CLDN1: variants seen among roughly 807,000 people sequenced by gnomAD.
The protein encoded by CLDN1 is claudin 1.
A neutral mutation model predicts 22.6 loss-of-function variants in CLDN1; 12 were observed. The ratio of observed to expected loss-of-function variants is 0.53; its 90% CI spans 0.34 to 0.86. The LOEUF (loss-of-function observed/expected upper bound fraction) is 0.86. Ranked by LOEUF, CLDN1 falls within the 40% of genes least tolerant of loss-of-function variation. The probability of loss-of-function intolerance (pLI) is 0.02; values close to 1 mark genes in which losing one functional copy is unlikely to be tolerated. For missense variants in CLDN1, 250 were observed against 269.5 expected, an observed-to-expected ratio of 0.93 and a Z score of 0.51; for synonymous variants, 99 against 103.8, an observed-to-expected ratio of 0.95 and a Z score of 0.28.
chr3:190,316,936 C>T (rs930532056), intron 1 of CLDN1, among the ~76,000 whole-genome samples: 1 of 152,152 alleles, frequency 6.6e-6, no homozygotes, highest in Non-Finnish European at 1.5e-5. Flanking sequence ...GAAACTCATG[C>T]AGATAATACA....
chr3:190,318,204 G>A (rs888435349), intron 1 of CLDN1, among the ~76,000 whole-genome samples: 1 of 152,166 alleles, frequency 6.6e-6, no homozygotes, highest in Non-Finnish European at 1.5e-5. Context: ...GGATGAGGCA[G>A]GATGTACCAC....
intron 2 of CLDN1, 131 bp downstream of exon 2, chr3:190,312,741 A>G: frequency 1.0e-6 from 1 of 967,332 alleles, no homozygotes; most frequent in Non-Finnish European, 1.6e-6. Flanking sequence ...ATGAAAGTCA[A>G]CTGGACTTCA....
Position 190,322,140 on chromosome 3 carries a change from C to A in CLDN1, c.67G>T (p.Val23Phe). Residue 23 changes from valine to phenylalanine, a missense_variant, in exon 1 of 4, where the codon GTC becomes TTC. Physicochemically the swap from Val to Phe is conservative, Grantham distance 50 (BLOSUM62 -1). Transcript: ENST00000295522. ...CTCCACTGGGGCAGGGCAGTGCTGA[C>A]GATGGCGCCGATCCATCCCAGGAAG... The part of the protein sequence containing the change: ...LAFLGWIGAI[V>F]STALPQWRIY... The A allele has an allele frequency of 6.2e-7, 1 of 1,614,220 alleles. No individual in the cohort carries two copies. The highest frequency in any genetic ancestry group is 8.5e-7 in the Non-Finnish European group (1 of 1,180,058).
At chr3:190,321,157 C>G (rs991802854) in intron 1 of CLDN1, among the ~76,000 whole-genome samples, 4 of 152,164 alleles carry the variant, frequency 2.6e-5, no homozygotes, top group Non-Finnish European at 5.9e-5. Context: ...CCCAGCTGAC[C>G]TCTGATTTCA....
At chr3:190,310,116 T>C in intron 3 of CLDN1, 53 bp downstream of exon 3, 1 of 1,475,590 alleles carries the variant, frequency 6.8e-7, no homozygotes, top group Non-Finnish European at 9.5e-7. Context: ...TTGTAGAATA[T>C]AAAAAGGGCA....
chr3:190,310,297 C>T (rs753356703), intron 2 of CLDN1, 44 bp from the exon 3 acceptor site: 1 of 1,483,300 alleles, frequency 6.7e-7, no homozygotes, highest in Non-Finnish European at 9.4e-7. Flanking sequence ...CCATGGAACA[C>T]TGAGCCTAAA....
chr3:190,316,479 G>A (rs1398021746), intron 1 of CLDN1, among the ~76,000 whole-genome samples: 5 of 152,196 alleles, frequency 3.3e-5, no homozygotes, highest in East Asian at 3.8e-4. Flanking sequence ...CAAGCAAGGC[G>A]TAGGTAATGA....
At chr3:190,315,550 ACAAT>A (rs1716743741) in intron 1 of CLDN1, among the ~76,000 whole-genome samples, 2 of 152,220 alleles carry the variant, frequency 1.3e-5, no homozygotes, top group African/African-American at 4.8e-5. Context: ...TAGAGATCAC[ACAAT>A]CAATAAATAT....
chr3:190,310,702 G>T (rs1436282328), intron 2 of CLDN1, among the ~76,000 whole-genome samples: 2 of 152,116 alleles, frequency 1.3e-5, no homozygotes, highest in Admixed American at 6.5e-5. Flanking sequence ...GAGTCAAAAG[G>T]AATGCAAGCA....
chr3:190,310,159 A>G lies in CLDN1; in HGVS notation c.473+10T>C. The G allele has an allele frequency of 1.9e-6, 3 of 1,609,362 alleles. No individual in the cohort carries two copies. The highest frequency in any genetic ancestry group is 2.6e-6 in the Non-Finnish European group (3 of 1,175,706). ...AGAAAACAAACTATTTTACGCCTGA[A>G]TAGCGTTACCTGGCATTGACTGGGG... On this transcript the variant is annotated intron_variant, in intron 3 of 3. Coordinates refer to ENST00000295522, the MANE Select transcript of CLDN1 (RefSeq NM_021101.5).
intron 3 of CLDN1, among the ~76,000 whole-genome samples, chr3:190,309,070 G>A (rs1716538298): frequency 6.6e-6 from 1 of 152,106 alleles, no homozygotes; most frequent in African/African-American, 2.4e-5. Context: ...AAGTTATAAG[G>A]CCAAGTCTAA....
intron 1 of CLDN1, among the ~76,000 whole-genome samples, chr3:190,316,876 C>T (rs766363796): frequency 9.2e-5 from 14 of 152,152 alleles, no homozygotes; most frequent in Non-Finnish European, 1.9e-4. Context: ...GCCTGGTATG[C>T]TAAAATCTTG....
At chr3:190,320,357 C>T (rs183094660) in intron 1 of CLDN1, among the ~76,000 whole-genome samples, 10 of 152,138 alleles carry the variant, frequency 6.6e-5, no homozygotes, top group Admixed American at 3.3e-4. Flanking sequence ...AATTCCTTAA[C>T]GTGGTACCTA....
At position 190,310,248 on chromosome 3, in the gene CLDN1, C is replaced by A. The variant is rs1263008238; in HGVS notation, c.394G>T (p.Ala132Ser). The change falls in exon 3 of 4, where the codon GCT becomes TCT. Residue 132 changes from alanine to serine, a missense_variant. By Grantham distance (99) the Ala-to-Ser change is moderately conservative. Coordinates refer to ENST00000295522, the MANE Select transcript of CLDN1 (RefSeq NM_021101.5). ...TACCATGCTGTGGCAACTAAAATAG[C>A]CAGACCTATAGAAATTCAAAACAAA... is the stretch of plus-strand genomic sequence containing the variant. ...GGAIFLLAGL[A>S]ILVATAWYGN... 2 of 1,612,610 alleles carry A rather than the reference C, an allele frequency of 1.2e-6. No homozygotes were observed. The highest frequency in any genetic ancestry group is 2.7e-5 in the African/African-American group (2 of 74,866).
chr3:190,318,759 GGA>G (rs2108613738), intron 1 of CLDN1, among the ~76,000 whole-genome samples: 1 of 152,312 alleles, frequency 6.6e-6, no homozygotes, highest in South Asian at 2.1e-4. Flanking sequence ...CAACGCATCT[GGA>G]GAAGCATAAA....
In CLDN1 at chr3:190,319,915, AGAG is replaced by A. The variant is rs58744061; in HGVS notation, c.223+2066_223+2068del. The stretch of plus-strand genomic sequence containing the variant: ...AGCATCCCGTGAGTCACGGCAGGTG[AGAG>A]GAGAACACCTGTGAGTCAAGGGTCC... On this transcript the variant is annotated intron_variant, in intron 1 of 3. Transcript: ENST00000295522. Among the ~76,000 whole-genome samples, 1,123 of 152,334 alleles carry A rather than the reference AGAG, an allele frequency of 7.4e-3. 13 individuals are homozygous for A. Among genetic ancestry groups the A allele is most frequent in the African/African-American group, 0.023 (968 of 41,570 alleles).
intron 1 of CLDN1, 40 bp downstream of exon 1, chr3:190,321,944 G>T: frequency 6.5e-7 from 1 of 1,526,962 alleles, no homozygotes; most frequent in Non-Finnish European, 9.1e-7. Flanking sequence ...AGGGGGACTG[G>T]GGCCTCTGGA....
intron 1 of CLDN1, among the ~76,000 whole-genome samples, chr3:190,315,533 G>A (rs1259017151): frequency 6.6e-6 from 1 of 152,112 alleles, no homozygotes; most frequent in Non-Finnish European, 1.5e-5. Flanking sequence ...GATTTTTACT[G>A]TCAGCATAGA....
Position 190,322,065 on chromosome 3 carries a change from C to A in CLDN1, c.142G>T (p.Glu48Ter). ...DNIVTAQAMY[E>*]GLWMSCVSQS... ...GACACGCAGGACATCCACAGCCCCT[C>A]GTACATGGCCTGGGCGGTCACGATG... The change falls in exon 1 of 4, where the codon GAG becomes TAG. Residue 48 changes from glutamate (E) to a stop codon, truncating the protein, a stop_gained. Coordinates refer to ENST00000295522, the MANE Select transcript of CLDN1 (RefSeq NM_021101.5). LOFTEE classifies it high-confidence loss of function. The A allele has an allele frequency of 6.2e-7, 1 of 1,614,224 alleles. No individual in the cohort carries two copies. Among genetic ancestry groups the A allele is most frequent in the Non-Finnish European group, 8.5e-7 (1 of 1,180,040 alleles).
Sources: allele counts gnomAD v4.1 joint callset (sites outside exome capture counted in the v4.1 genomes callset), GRCh38; gene constraint gnomAD v4.1.1; transcripts MANE v1.5; gene names NCBI Gene and HGNC (gene_info 2026-07-23, HGNC 2026-07-21).